Variants in RPH3A observed in about 807,000 individuals in gnomAD.
RPH3A encodes the protein rabphilin-3A.
A neutral mutation model predicts 102.2 loss-of-function variants in RPH3A; 48 were observed. The ratio of observed to expected loss-of-function variants is 0.47; its 90% CI spans 0.37 to 0.60. The LOEUF (loss-of-function observed/expected upper bound fraction) is 0.60. RPH3A is among the 20% of genes least tolerant of loss of function. RPH3A has a pLI of 0.00. For missense variants in RPH3A, 781 were observed against 910.1 expected (o/e 0.86, Z 1.83); for synonymous variants, 310 against 324.3 (o/e 0.96, Z 0.47).
At chr12:112,809,731 C>T (rs2136118385) in intron 2 of RPH3A, among the ~76,000 whole-genome samples, 1 of 152,256 alleles carries the variant, frequency 6.6e-6, no homozygotes, top group African/African-American at 2.4e-5. Context: ...TCCAGGTTAG[C>T]AAGGGACAGA....
intron 2 of RPH3A, among the ~76,000 whole-genome samples, chr12:112,808,574 C>G (rs563553425): frequency 2.6e-5 from 4 of 152,308 alleles, no homozygotes; most frequent in Admixed American, 2.0e-4. Context: ...AGCAGCATGC[C>G]TGAATTACTA....
intron 20 of RPH3A, among the ~76,000 whole-genome samples, chr12:112,894,933 A>G (rs1220193378): frequency 6.6e-6 from 1 of 151,892 alleles, no homozygotes; most frequent in African/African-American, 2.4e-5. Context: ...ATGTGGGGGA[A>G]TGTTGACATG....
At position 112,843,129 on chromosome 12, in the gene RPH3A, T is replaced by C. The variant is rs185282079; in HGVS notation, c.84-4567T>C. Among the ~76,000 whole-genome samples the C allele has an allele frequency of 2.7e-4, 41 of 152,336 alleles. 3 individuals are homozygous for C. Among genetic ancestry groups the C allele is most frequent in the African/African-American group, 9.6e-4 (40 of 41,572 alleles). Reference sequence around the variant, plus strand: ...AACTGGACACAGAGCTGCCATCCTGTATCCAGAAGCCCTTGGCAAGGGTCT... The same window carrying C: ...AACTGGACACAGAGCTGCCATCCTGCATCCAGAAGCCCTTGGCAAGGGTCT... On this transcript the variant is annotated intron_variant, in intron 4 of 21. Transcript: ENST00000389385.
chr12:112,728,535 T>C (rs1013508624), intron 1 of RPH3A, among the ~76,000 whole-genome samples: 5 of 152,184 alleles, frequency 3.3e-5, no homozygotes, highest in African/African-American at 1.2e-4. Flanking sequence ...TTCTCAGAAC[T>C]ATAAAGACTT....
intron 5 of RPH3A, among the ~76,000 whole-genome samples, chr12:112,855,027 C>A (rs1200354825): frequency 1.3e-5 from 2 of 150,568 alleles, no homozygotes; most frequent in Non-Finnish European, 3.0e-5. Context: ...CAGGCCTCAG[C>A]ACCACATTCT....
rs374574243 is a variant in RPH3A, at chr12:112,576,855, A to T, written c.-140+1536A>T. ...CTCTTATAAAACTTTTTTTTTTTTT[A>T]AATTATTGTATTTTTTTCAATAGAA... On this transcript the variant is annotated intron_variant, in intron 1 of 21. Transcript: ENST00000543106. Among the ~76,000 whole-genome samples the T allele has an allele frequency of 9.7e-3, 1,424 of 146,922 alleles. 20 individuals carry two copies. Among genetic ancestry groups the T allele is most frequent in the African/African-American group, 0.03 (1,178 of 39,564 alleles).
At chr12:112,884,085 A>G (rs2042968059) in intron 16 of RPH3A, among the ~76,000 whole-genome samples, 1 of 152,100 alleles carries the variant, frequency 6.6e-6, no homozygotes, top group South Asian at 2.1e-4. Flanking sequence ...AAGACATTTA[A>G]ATCTACCTAA....
intron 19 of RPH3A, chr12:112,891,258 G>C (rs2043090230): frequency 2.0e-6 from 1 of 499,310 alleles, no homozygotes; most frequent in Non-Finnish European, 3.6e-6. Flanking sequence ...CCTGCTGATG[G>C]CTCTGCAACT....
chr12:112,648,302 C>T (rs1313987611), intron 1 of RPH3A, among the ~76,000 whole-genome samples: 2 of 151,898 alleles, frequency 1.3e-5, no homozygotes, highest in Admixed American at 6.6e-5. Flanking sequence ...TAATGTTCCA[C>T]TGAGTGGAAT....
intron 12 of RPH3A, among the ~76,000 whole-genome samples, chr12:112,876,321 T>C (rs1358584501): frequency 6.6e-6 from 1 of 152,192 alleles, no homozygotes; most frequent in African/African-American, 2.4e-5. Context: ...GCTTCAGATA[T>C]TATAATTTCC....
Position 112,580,638 on chromosome 12 carries a change from C to T in RPH3A, c.-140+5319C>T, listed in dbSNP as rs1161220720. Reference sequence around the variant, plus strand: ...AGCCAGGATGGTCTCGATCTCCTGACCTCGTGATCCGCCCGCCTCGGCCTC... The same window carrying T: ...AGCCAGGATGGTCTCGATCTCCTGATCTCGTGATCCGCCCGCCTCGGCCTC... On this transcript the variant is annotated intron_variant, in intron 1 of 21. Transcript: ENST00000543106. Among the ~76,000 whole-genome samples the T allele has an allele frequency of 3.3e-5, 5 of 151,966 alleles. No individual in the cohort carries two copies. In the East Asian group the frequency reaches 7.7e-4, roughly 23 times the overall value.
upstream of RPH3A, among the ~76,000 whole-genome samples, chr12:112,790,555 T>C (rs2041088398): frequency 6.6e-6 from 1 of 152,234 alleles, no homozygotes; most frequent in Admixed American, 6.5e-5. Flanking sequence ...GATCTTGGTC[T>C]GTTTGAGATT....
At position 112,616,245 on chromosome 12, in the gene RPH3A, C is replaced by G. The variant is rs2039678443; in HGVS notation, c.-140+40926C>G. On this transcript the variant is annotated intron_variant, in intron 1 of 21. Transcript: ENST00000543106. Reference sequence around the variant, plus strand: ...CACTGCAACCTCCGCCTCCCGGGTTCAAGCGATTCTCCTGCCTCAGCCTCC... The same window carrying G: ...CACTGCAACCTCCGCCTCCCGGGTTGAAGCGATTCTCCTGCCTCAGCCTCC... 2.0e-5 allele frequency among the ~76,000 whole-genome samples: 3 copies of G among 152,212 alleles called. No individual in the cohort carries two copies. In the South Asian group the frequency reaches 6.2e-4, roughly 32 times the overall value.
intron 19 of RPH3A, 88 bp from the exon 20 acceptor site, chr12:112,894,490 A>G: frequency 1.8e-6 from 2 of 1,102,476 alleles, no homozygotes; most frequent in Non-Finnish European, 2.7e-6. Flanking sequence ...TCATCAATTC[A>G]CCCTGATAAA....
intron 1 of RPH3A, among the ~76,000 whole-genome samples, chr12:112,725,060 C>G (rs1412796784): frequency 6.8e-6 from 1 of 147,548 alleles, no homozygotes; most frequent in African/African-American, 2.5e-5. Context: ...ACCAGCCTGG[C>G]CAACATGGTG....
intron 19 of RPH3A, among the ~76,000 whole-genome samples, chr12:112,891,668 C>G (rs1206447927): frequency 6.6e-6 from 1 of 152,192 alleles, no homozygotes; most frequent in Non-Finnish European, 1.5e-5. Context: ...GATACAAGTT[C>G]AGTAAGGCCA....
At chr12:112,665,576 G>A (rs2040078516) in intron 1 of RPH3A, among the ~76,000 whole-genome samples, 1 of 152,172 alleles carries the variant, frequency 6.6e-6, no homozygotes, top group African/African-American at 2.4e-5. Context: ...CCTAGGTAAA[G>A]GGCTGAGAAC....
intron 1 of RPH3A, among the ~76,000 whole-genome samples, chr12:112,629,295 CCTG>C (rs1227536217): frequency 6.6e-6 from 1 of 151,788 alleles, no homozygotes; most frequent in Non-Finnish European, 1.5e-5. Flanking sequence ...AAGAAATTAA[CCTG>C]CTTTTTTGTG....
chr12:112,868,675 A>G (rs560927365), intron 8 of RPH3A, 80 bp downstream of exon 8: 1 of 1,472,724 alleles, frequency 6.8e-7, no homozygotes, highest in Admixed American at 2.1e-5. Flanking sequence ...GCCTGACATC[A>G]TGTCTGTGTT....
Sources: gnomAD v4.1 joint callset for allele counts (sites outside exome capture counted in the v4.1 genomes callset) on GRCh38, gnomAD v4.1.1 for gene constraint, MANE v1.5 for transcripts, NCBI Gene and HGNC (gene_info 2026-07-23, HGNC 2026-07-21) for gene names.